RCOR1: variants seen among roughly 807,000 people sequenced by gnomAD.
The protein encoded by RCOR1 is REST corepressor 1, also known as REST corepressor.
In RCOR1, 12 loss-of-function variants were observed where a neutral mutation model predicts 64.0. That is an observed-to-expected ratio of 0.19 (90% CI 0.12 to 0.30). RCOR1 has a LOEUF of 0.30. Ranked by LOEUF, RCOR1 falls within the 10% of genes least tolerant of loss-of-function variation. RCOR1 has a pLI of 1.00. For synonymous variants in RCOR1, 279 were observed against 227.2 expected, an observed-to-expected ratio of 1.23 and a Z score of -2.05; for missense variants, 502 against 621.2, an observed-to-expected ratio of 0.81 and a Z score of 2.04.
chr14:102,644,354 A>T (rs1894436687), intron 2 of RCOR1, among the ~76,000 whole-genome samples: 1 of 152,210 alleles, frequency 6.6e-6, no homozygotes, highest in Non-Finnish European at 1.5e-5. Context: ...AAGGGCAGGG[A>T]ACATAGATTC....
intron 2 of RCOR1, among the ~76,000 whole-genome samples, chr14:102,598,853 T>C (rs977253917): frequency 1.3e-5 from 2 of 152,166 alleles, no homozygotes; most frequent in South Asian, 4.1e-4. Flanking sequence ...ATAAAAAGTT[T>C]TACCAACTTT....
intron 4 of RCOR1, 61 bp from the exon 5 acceptor site, chr14:102,707,290 C>A: frequency 1.6e-6 from 2 of 1,289,228 alleles, no homozygotes; most frequent in South Asian, 1.4e-5. Context: ...TTTTGCTGGT[C>A]TCATTTCCAT....
chr14:102,653,700 T>G (rs1434588438), intron 2 of RCOR1, among the ~76,000 whole-genome samples: 1 of 151,972 alleles, frequency 6.6e-6, no homozygotes, highest in African/African-American at 2.4e-5. Flanking sequence ...TCGGGTCGTC[T>G]AAAAGTGTGT....
At position 102,670,759 on chromosome 14, in the gene RCOR1, T is replaced by TA. The variant is rs1567429881; in HGVS notation, c.362-11136_362-11135insA. Among the ~76,000 whole-genome samples, 8 of 135,958 alleles carry TA rather than the reference T, an allele frequency of 5.9e-5. No homozygotes were observed. In the East Asian group the frequency reaches 8.9e-4, roughly 15 times the overall value. The allele number at this position is 135,958 out of a possible 152,430, so 89.2% of individuals were successfully genotyped here. A position where few individuals can be genotyped will look rare whatever the true frequency, so the allele number is the denominator to read the frequency against. ...AAGATTATTATATATATATATATAT[T>TA]TATTTATTTTACTTATTTATTGATT... On this transcript the variant is annotated intron_variant, in intron 2 of 11. Coordinates refer to ENST00000262241, the MANE Select transcript of RCOR1 (RefSeq NM_015156.4).
intron 2 of RCOR1, among the ~76,000 whole-genome samples, chr14:102,597,263 TC>T (rs1393824051): frequency 6.6e-6 from 1 of 152,178 alleles, no homozygotes; most frequent in African/African-American, 2.4e-5. Context: ...CAGCTTTTTT[TC>T]TTTTCTTTTT....
chr14:102,646,256 T>A (rs1894476735), intron 2 of RCOR1, among the ~76,000 whole-genome samples: 1 of 152,168 alleles, frequency 6.6e-6, no homozygotes, highest in African/African-American at 2.4e-5. Context: ...GCTGTGTATG[T>A]GACATTAAAA....
rs539479164 is a variant in RCOR1 at position 102,617,167 on chromosome 14, TTA to T, written c.361+23844_361+23845del. On this transcript the variant is annotated intron_variant, in intron 2 of 11. Coordinates refer to ENST00000262241, the MANE Select transcript of RCOR1 (RefSeq NM_015156.4). ...GTGCAGATGAGAACAAAGCTAACAG[TTA>T]TCAGGCAGTCTAAATGCATGCAGTT... Among the ~76,000 whole-genome samples the T allele has an allele frequency of 2.9e-3, 442 of 152,268 alleles. 2 individuals are homozygous for T. The highest frequency in any genetic ancestry group is 6.1e-3 in the African/African-American group (255 of 41,574).
chr14:102,672,907 A>G (rs149119795), intron 2 of RCOR1, among the ~76,000 whole-genome samples: 1,570 of 152,338 alleles, frequency 0.01, 16 homozygotes, highest in Admixed American at 0.015. Context: ...AACTGAAAAT[A>G]TACTAGAAGA....
chr14:102,601,042 A>G (rs2139879619), intron 2 of RCOR1, among the ~76,000 whole-genome samples: 1 of 151,988 alleles, frequency 6.6e-6, no homozygotes, highest in East Asian at 2.0e-4. Context: ...CACAAAAATT[A>G]GCTGGGCGTG....
intron 2 of RCOR1, among the ~76,000 whole-genome samples, chr14:102,652,696 T>G (rs1271297061): frequency 6.6e-6 from 1 of 152,166 alleles, no homozygotes; most frequent in Non-Finnish European, 1.5e-5. Context: ...AGAATCAGCC[T>G]CCCAGCTGAC....
Position 102,685,275 on chromosome 14 carries a change from C to T in RCOR1, c.445+3297C>T, listed in dbSNP as rs192834541. On this transcript the variant is annotated intron_variant, in intron 3 of 11. Transcript: ENST00000262241. ...AGTCTGCTCATAAGTACATCTGGGA[C>T]TTTGTTTCATCTCAGTATATCTACA... is the stretch of plus-strand genomic sequence containing the variant. Among the ~76,000 whole-genome samples the T allele has an allele frequency of 2.7e-3, 410 of 152,040 alleles. 4 individuals are homozygous for T. Among genetic ancestry groups the T allele is most frequent in the Middle Eastern group, 6.8e-3 (2 of 294 alleles).
intron 2 of RCOR1, among the ~76,000 whole-genome samples, chr14:102,640,793 T>TTG (rs1043021217): frequency 6.7e-6 from 1 of 149,042 alleles, no homozygotes; most frequent in African/African-American, 2.4e-5. Context: ...AAACCCCGTC[T>TTG]TACAGAAAAT....
At chr14:102,687,834 A>G (rs914786352) in intron 3 of RCOR1, among the ~76,000 whole-genome samples, 1 of 152,198 alleles carries the variant, frequency 6.6e-6, no homozygotes, top group Non-Finnish European at 1.5e-5. Context: ...AGAAGGTGCT[A>G]GCTTTCCTAG....
chr14:102,726,133 C>G (rs181462743), intron 11 of RCOR1, among the ~76,000 whole-genome samples: 9 of 152,004 alleles, frequency 5.9e-5, no homozygotes, highest in African/African-American at 2.2e-4. Context: ...TCGAGACCAG[C>G]CCGGCCAACA....
At chr14:102,622,482 A>T (rs1176398996) in intron 2 of RCOR1, among the ~76,000 whole-genome samples, 1 of 152,172 alleles carries the variant, frequency 6.6e-6, no homozygotes, top group Non-Finnish European at 1.5e-5. Flanking sequence ...CCGGAAGGCC[A>T]GATTCCCTTG....
chr14:102,656,146 A>AT (rs143390089), intron 2 of RCOR1: 21,189 of 836,658 alleles, frequency 0.025, 82 homozygotes, highest in Non-Finnish European at 0.027. Context: ...TATTTTTTTT[A>AT]TTTTTTTTTT....
chr14:102,610,242 AATT>A (rs1209076469), intron 2 of RCOR1, among the ~76,000 whole-genome samples: 2 of 152,112 alleles, frequency 1.3e-5, no homozygotes, highest in African/African-American at 4.8e-5. Flanking sequence ...ATGTTATAAA[AATT>A]ATTTTGAAAA....
intron 6 of RCOR1, among the ~76,000 whole-genome samples, chr14:102,710,273 T>C (rs1567443435): frequency 1.3e-5 from 2 of 152,262 alleles, no homozygotes; most frequent in Non-Finnish European, 2.9e-5. Flanking sequence ...TAGTTTTCTT[T>C]TTTTACAGTT....
At chr14:102,713,518 G>A (rs79696711) in intron 7 of RCOR1, among the ~76,000 whole-genome samples, 3 of 151,816 alleles carry the variant, frequency 2.0e-5, no homozygotes, top group African/African-American at 4.8e-5. Context: ...TCCTGACTTC[G>A]TGATCCGCCC....
Sources: allele counts gnomAD v4.1 joint callset (sites outside exome capture counted in the v4.1 genomes callset), GRCh38; gene constraint gnomAD v4.1.1; transcripts MANE v1.5; gene names NCBI Gene and HGNC (gene_info 2026-07-23, HGNC 2026-07-21).